The following PCLO variants were observed in gnomAD, a reference collection of about 807,000 sequenced individuals.
PCLO encodes piccolo presynaptic cytomatrix protein.
A neutral mutation model predicts 427.5 loss-of-function variants in PCLO; 82 were observed. That is an observed-to-expected ratio of 0.19 (90% CI 0.16 to 0.23). The LOEUF is 0.23. Ranked by LOEUF, PCLO falls within the 10% of genes least tolerant of loss-of-function variation. PCLO has a pLI of 1.00. For synonymous variants in PCLO, 2,357 were observed against 2,155.4 expected (o/e 1.09, Z -2.59); for missense variants, 6,239 against 6,115.9 (o/e 1.02, Z -0.67).
intron 10 of PCLO, among the ~76,000 whole-genome samples, chr7:82,853,631 G>T (rs896467213): frequency 6.6e-6 from 1 of 152,078 alleles, no homozygotes; most frequent in Non-Finnish European, 1.5e-5. Context: ...TCAATAAACA[G>T]AATACACACT....
At chr7:83,003,511 T>C (rs142670217) in intron 3 of PCLO, among the ~76,000 whole-genome samples, 1 of 151,984 alleles carries the variant, frequency 6.6e-6, no homozygotes, top group East Asian at 1.9e-4. Flanking sequence ...GAAATATGGA[T>C]GACTATGTCA....
intron 10 of PCLO, among the ~76,000 whole-genome samples, chr7:82,853,914 A>C (rs1792732408): frequency 6.6e-6 from 1 of 152,150 alleles, no homozygotes; most frequent in Non-Finnish European, 1.5e-5. Flanking sequence ...GAAACACAAA[A>C]CAGCTGCTTG....
intron 3 of PCLO, among the ~76,000 whole-genome samples, chr7:83,075,537 G>A (rs1003398710): frequency 1.3e-5 from 2 of 152,118 alleles, no homozygotes; most frequent in African/African-American, 4.8e-5. Flanking sequence ...AACATGACAA[G>A]TGTTGTTTCT....
rs1043983809 is a variant in PCLO at position 82,901,665 on chromosome 7, C to T, written c.13528+986G>A. Among the ~76,000 whole-genome samples the T allele has an allele frequency of 8.6e-4, 131 of 152,020 alleles. 11 individuals carry two copies. Among genetic ancestry groups the T allele is most frequent in the Non-Finnish European group, 3.2e-4 (22 of 68,000 alleles). ...CCTACAAAATGGGAGAAAATTTTTG[C>T]AACCTACTCATCTGACAAAGGGCTA... On this transcript the variant is annotated intron_variant, in intron 9 of 24. Coordinates refer to ENST00000333891, the MANE Select transcript of PCLO (RefSeq NM_033026.6).
chr7:83,130,175 G>A (rs369218225), intron 3 of PCLO, among the ~76,000 whole-genome samples: 9 of 152,062 alleles, frequency 5.9e-5, no homozygotes, highest in African/African-American at 1.9e-4. Flanking sequence ...TATTTGAGAC[G>A]AAGTCTCCCA....
chr7:82,800,318 A>C (rs1791319106), intron 22 of PCLO, among the ~76,000 whole-genome samples: 2 of 152,170 alleles, frequency 1.3e-5, no homozygotes, highest in Admixed American at 1.3e-4. Flanking sequence ...TTGAAACCTA[A>C]ACCTGTTTCC....
chr7:82,792,883 C>G lies in PCLO; in HGVS notation c.15007+8635G>C, dbSNP rs538056399. 1.1e-4 allele frequency among the ~76,000 whole-genome samples: 17 copies of G among 152,052 alleles called. 1 individual carries two copies. The highest frequency in any genetic ancestry group is 4.1e-4 in the African/African-American group (17 of 41,482). ...TCTCATCCTTGTCATATATTACGAT[C>G]TTGGTTAAACTAACATTTGGAATTT... is the stretch of plus-strand genomic sequence containing the variant. On this transcript the variant is annotated intron_variant, in intron 22 of 24. Transcript: ENST00000333891.
At chr7:82,825,675 C>CATTATATATACATTGTATATATAAT (rs1791918661) in intron 18 of PCLO, among the ~76,000 whole-genome samples, 14 of 146,578 alleles carry the variant, frequency 9.6e-5, no homozygotes, top group African/African-American at 3.5e-4. Context: ...GTATATATAA[C>CATTATATATACATTGTATATATAAT]GTGTATATAT....
At chr7:83,062,191 A>G (rs983474988) in intron 3 of PCLO, among the ~76,000 whole-genome samples, 1 of 152,190 alleles carries the variant, frequency 6.6e-6, no homozygotes, top group Non-Finnish European at 1.5e-5. Context: ...AATAATTGTT[A>G]TCTACAATTG....
intron 3 of PCLO, among the ~76,000 whole-genome samples, chr7:83,122,354 C>T (rs1327837766): frequency 1.4e-5 from 2 of 145,976 alleles, no homozygotes; most frequent in Non-Finnish European, 3.0e-5. Flanking sequence ...GGTGCAATCT[C>T]GGTTCACTGC....
At chr7:83,002,649 T>C (rs888389986) in intron 3 of PCLO, among the ~76,000 whole-genome samples, 6 of 151,510 alleles carry the variant, frequency 4.0e-5, no homozygotes, top group Admixed American at 6.6e-5. Context: ...AATGCAACAA[T>C]AGAAAATAGA....
At chr7:82,810,868 A>C (rs1487832695) in intron 20 of PCLO, among the ~76,000 whole-genome samples, 1 of 151,670 alleles carries the variant, frequency 6.6e-6, no homozygotes. Context: ...TTGCTCTGAG[A>C]GCACGGATTA....
In PCLO at chr7:82,837,634, T is replaced by C. The variant is rs188871749; in HGVS notation, c.14222+584A>G. On this transcript the variant is annotated intron_variant, in intron 15 of 24. Coordinates refer to ENST00000333891, the MANE Select transcript of PCLO (RefSeq NM_033026.6). Reference sequence around the variant, plus strand: ...AAAGAACACTTGCTTATATCAACAATTTATACATCACACAAGAGATTCAAA... The same window carrying C: ...AAAGAACACTTGCTTATATCAACAACTTATACATCACACAAGAGATTCAAA... Among the ~76,000 whole-genome samples, 355 of 152,078 alleles carry C rather than the reference T, an allele frequency of 2.3e-3. 1 individual carries two copies. Among genetic ancestry groups the C allele is most frequent in the African/African-American group, 8.2e-3 (339 of 41,540 alleles).
chr7:82,887,682 G>C (rs1793659250), intron 9 of PCLO, among the ~76,000 whole-genome samples: 1 of 152,120 alleles, frequency 6.6e-6, no homozygotes, highest in Admixed American at 6.6e-5. Flanking sequence ...CTTTGTTACT[G>C]AGTAAATAAA....
At chr7:82,809,866 AT>A (rs915406465) in intron 20 of PCLO, among the ~76,000 whole-genome samples, 2 of 151,546 alleles carry the variant, frequency 1.3e-5, no homozygotes, top group Admixed American at 1.3e-4. Context: ...ATTCAACTAT[AT>A]TTTTTAACCC....
intron 22 of PCLO, among the ~76,000 whole-genome samples, chr7:82,772,294 TA>T (rs966275817): frequency 4.6e-5 from 7 of 152,138 alleles, no homozygotes; most frequent in African/African-American, 1.4e-4. Flanking sequence ...ATATTTCGGA[TA>T]TTTTTTTTCA....
chr7:82,833,734 T>C (rs1792156877), intron 16 of PCLO, among the ~76,000 whole-genome samples: 1 of 151,578 alleles, frequency 6.6e-6, no homozygotes, highest in South Asian at 2.1e-4. Context: ...CGCAAAAAAA[T>C]GTATGATACA....
intron 3 of PCLO, among the ~76,000 whole-genome samples, chr7:82,995,535 T>G (rs1796475729): frequency 6.6e-6 from 1 of 152,130 alleles, no homozygotes; most frequent in Non-Finnish European, 1.5e-5. Context: ...GTAGCTCTTC[T>G]GAGAAATCTA....
chr7:82,867,780 A>G (rs748327225), intron 10 of PCLO, among the ~76,000 whole-genome samples: 2 of 152,194 alleles, frequency 1.3e-5, no homozygotes, highest in Non-Finnish European at 2.9e-5. Flanking sequence ...TCATGTCCCT[A>G]TCACAAAGAT....
Sources: allele counts gnomAD v4.1 joint callset (sites outside exome capture counted in the v4.1 genomes callset), GRCh38; gene constraint gnomAD v4.1.1; transcripts MANE v1.5; gene names NCBI Gene and HGNC (gene_info 2026-07-23, HGNC 2026-07-21).